The following PACRG variants were observed in gnomAD, a reference collection of about 807,000 sequenced individuals.
The protein encoded by PACRG is parkin coregulated gene protein.
Under a neutral mutation model 29.7 loss-of-function variants are expected in PACRG, and 29 were observed. That is an observed-to-expected ratio of 0.98 (90% CI 0.73 to 1.33). The LOEUF (loss-of-function observed/expected upper bound fraction) is 1.33. PACRG is among the 40% of genes most tolerant of loss of function. PACRG has a pLI of 0.00. For synonymous variants in PACRG, 116 were observed against 118.7 expected (o/e 0.98, Z 0.15); for missense variants, 279 against 316.2 (o/e 0.88, Z 0.89).
chr6:163,169,028 A>G (rs1378792746), intron 4 of PACRG, among the ~76,000 whole-genome samples: 1 of 152,268 alleles, frequency 6.6e-6, no homozygotes, highest in Non-Finnish European at 1.5e-5. Flanking sequence ...TTTAAAACCC[A>G]GAAGGAAAGT....
At chr6:162,994,489 A>G (rs1335902633) in intron 2 of PACRG, among the ~76,000 whole-genome samples, 4 of 150,498 alleles carry the variant, frequency 2.7e-5, no homozygotes, top group Non-Finnish European at 5.9e-5. Context: ...CATTTCATTC[A>G]TTTCATCTTC....
intron 2 of PACRG, among the ~76,000 whole-genome samples, chr6:162,921,931 G>A (rs1797094785): frequency 6.6e-6 from 1 of 152,136 alleles, no homozygotes; most frequent in South Asian, 2.1e-4. Context: ...CACCCCAAGA[G>A]TTCTGCATTG....
chr6:162,791,311 G>GTTTTTTTTTTTTT (rs60664405), intron 1 of PACRG, among the ~76,000 whole-genome samples: 2 of 128,824 alleles, frequency 1.6e-5, no homozygotes, highest in Non-Finnish European at 3.2e-5. Flanking sequence ...TTGTTTGTTT[G>GTTTTTTTTTTTTT]TTTTTTTTTT....
intron 2 of PACRG, among the ~76,000 whole-genome samples, chr6:162,984,073 C>G (rs963215125): frequency 1.3e-5 from 2 of 151,858 alleles, no homozygotes; most frequent in Admixed American, 1.3e-4. Context: ...TGTTTGGTTA[C>G]ATGAATAATT....
chr6:163,306,888 G>A (rs1446069218), intron 4 of PACRG, among the ~76,000 whole-genome samples: 3 of 152,250 alleles, frequency 2.0e-5, no homozygotes, highest in Admixed American at 2.0e-4. Context: ...AAACCAGAGA[G>A]CATCCAAAGT....
intron 4 of PACRG, among the ~76,000 whole-genome samples, chr6:163,240,586 T>C (rs1209376544): frequency 6.6e-6 from 1 of 152,120 alleles, no homozygotes; most frequent in African/African-American, 2.4e-5. Flanking sequence ...GGGAGAGGGC[T>C]CGTACCCTCC....
intron 4 of PACRG, among the ~76,000 whole-genome samples, chr6:163,276,008 C>CTTCTTTCTTTCTTTCTTTCT (rs376811032): frequency 0.021 from 2,998 of 140,630 alleles, 40 homozygotes; most frequent in Middle Eastern, 0.031. Flanking sequence ...TCCTTCCTTC[C>CTTCTTTCTTTCTTTCTTTCT]TTCTTTCTTT....
At chr6:163,197,625 G>A (rs11753725) in intron 4 of PACRG, among the ~76,000 whole-genome samples, 62,206 of 150,306 alleles carry the variant, frequency 0.41, 14,376 homozygotes, top group African/African-American at 0.63. Flanking sequence ...TTTTTTTCGT[G>A]TTTTTAGTAG....
chr6:163,196,932 T>C (rs1036291802), intron 4 of PACRG, among the ~76,000 whole-genome samples: 1 of 118,790 alleles, frequency 8.4e-6, no homozygotes, highest in Admixed American at 7.5e-5. Flanking sequence ...GACAGATAGA[T>C]AGATAGATAG....
chr6:163,096,831 T>C (rs1814635889), intron 4 of PACRG, among the ~76,000 whole-genome samples: 1 of 152,148 alleles, frequency 6.6e-6, no homozygotes, highest in South Asian at 2.1e-4. Flanking sequence ...TTAAGTGAAA[T>C]CTTTTTAAGT....
chr6:162,805,483 A>G (rs1238709518), intron 1 of PACRG, among the ~76,000 whole-genome samples: 1 of 152,188 alleles, frequency 6.6e-6, no homozygotes, highest in African/African-American at 2.4e-5. Flanking sequence ...GTGGTTGCTG[A>G]AAGCTGGTGT....
At chr6:162,802,801 G>A (rs1785989732) in intron 1 of PACRG, among the ~76,000 whole-genome samples, 2 of 151,962 alleles carry the variant, frequency 1.3e-5, no homozygotes, top group African/African-American at 2.4e-5. Context: ...CAAAAAAAAT[G>A]GTCTCTCTCA....
At chr6:163,203,727 C>T (rs1780797825) in intron 4 of PACRG, among the ~76,000 whole-genome samples, 1 of 152,168 alleles carries the variant, frequency 6.6e-6, no homozygotes, top group African/African-American at 2.4e-5. Context: ...GGGCAACAGG[C>T]AGTATACCAA....
chr6:163,172,858 G>A (rs567091403), intron 4 of PACRG, among the ~76,000 whole-genome samples: 1 of 152,160 alleles, frequency 6.6e-6, no homozygotes, highest in Non-Finnish European at 1.5e-5. Context: ...ATAGAAAGAG[G>A]CTTGAATGCC....
intron 2 of PACRG, among the ~76,000 whole-genome samples, chr6:162,967,904 A>G (rs1043972948): frequency 1.1e-4 from 17 of 152,256 alleles, no homozygotes; most frequent in African/African-American, 4.1e-4. Context: ...ATCAGAATGA[A>G]ATATAAATGC....
chr6:163,292,433 G>T (rs775000303), intron 4 of PACRG, among the ~76,000 whole-genome samples: 7 of 152,136 alleles, frequency 4.6e-5, no homozygotes, highest in Non-Finnish European at 1.0e-4. Context: ...ATGGAGTCTT[G>T]CTCTGTCACC....
chr6:163,011,702 TTAG>T (rs1805631325), intron 2 of PACRG, among the ~76,000 whole-genome samples: 1 of 152,254 alleles, frequency 6.6e-6, no homozygotes, highest in Non-Finnish European at 1.5e-5. Flanking sequence ...TTTTGACTCT[TTAG>T]TAAAAACAGC....
chr6:162,897,099 G>C (rs778898829), intron 2 of PACRG, among the ~76,000 whole-genome samples: 2 of 152,184 alleles, frequency 1.3e-5, no homozygotes, highest in Non-Finnish European at 2.9e-5. Context: ...GCAATTCAAA[G>C]AGAGTTTAAG....
At chr6:163,278,496 G>A (rs1784127910) in intron 4 of PACRG, among the ~76,000 whole-genome samples, 1 of 152,116 alleles carries the variant, frequency 6.6e-6, no homozygotes, top group Admixed American at 6.5e-5. Flanking sequence ...GATCCATCTT[G>A]AGTTGATTTT....
Sources: allele counts gnomAD v4.1 joint callset (sites outside exome capture counted in the v4.1 genomes callset), GRCh38; gene constraint gnomAD v4.1.1; transcripts MANE v1.5; gene names NCBI Gene and HGNC (gene_info 2026-07-23, HGNC 2026-07-21).